The following NAP1L4 variants were observed in gnomAD, a reference collection of about 807,000 sequenced individuals.
NAP1L4 encodes nucleosome assembly protein 1 like 4, also known as nucleosome assembly protein 1-like 4.
NAP1L4 carries 15 observed loss-of-function variants against 58.2 expected under a neutral mutation model. The observed-to-expected ratio is 0.26, with a 90% CI of 0.17 to 0.40. The LOEUF (loss-of-function observed/expected upper bound fraction) is 0.40. NAP1L4 is among the 10% of genes least tolerant of loss of function. NAP1L4 has a pLI of 1.00. For missense variants in NAP1L4, 384 were observed against 451.1 expected (o/e 0.85, Z 1.35); for synonymous variants, 171 against 155.6 (o/e 1.10, Z -0.74).
At chr11:2,960,159 T>C (rs773992743) in intron 8 of NAP1L4, 30 of 408,690 alleles carry the variant, frequency 7.3e-5, no homozygotes, top group African/African-American at 1.2e-4. Flanking sequence ...TCCTCACCAA[T>C]AGGCGTCAAG....
chr11:2,953,628 G>T (rs1846358654), intron 12 of NAP1L4, among the ~76,000 whole-genome samples: 2 of 152,232 alleles, frequency 1.3e-5, no homozygotes, highest in African/African-American at 4.8e-5. Context: ...TTGAGTTTTA[G>T]AAGTTAAATG....
intron 10 of NAP1L4, 133 bp downstream of exon 10, chr11:2,958,266 A>C: frequency 1.1e-6 from 1 of 897,390 alleles, no homozygotes; most frequent in Non-Finnish European, 1.8e-6. Flanking sequence ...AGCCTGGGAC[A>C]CAGCAATGTG....
At chr11:2,958,583 T>C (rs1285346784) in intron 9 of NAP1L4, 39 bp from the exon 10 acceptor site, 2 of 1,591,682 alleles carry the variant, frequency 1.3e-6, no homozygotes, top group Non-Finnish European at 1.7e-6. Flanking sequence ...ACACAATCCA[T>C]GAGAAAAATC....
At chr11:2,957,229 C>T (rs1224706910) in intron 10 of NAP1L4, among the ~76,000 whole-genome samples, 1 of 152,192 alleles carries the variant, frequency 6.6e-6, no homozygotes, top group African/African-American at 2.4e-5. Context: ...CACAGACAAT[C>T]TCCAGTATGC....
chr11:2,977,909 T>C (rs909382748), intron 3 of NAP1L4, among the ~76,000 whole-genome samples: 1 of 149,454 alleles, frequency 6.7e-6, no homozygotes, highest in Admixed American at 6.7e-5. Flanking sequence ...GGTCTGTGCC[T>C]GTAGCCCCAA....
At chr11:2,952,118 G>C in intron 12 of NAP1L4, 1 of 441,692 alleles carries the variant, frequency 2.3e-6, no homozygotes, top group Middle Eastern at 5.8e-4. Flanking sequence ...ACACCGAGGA[G>C]CAGGCACACA....
intron 8 of NAP1L4, chr11:2,963,843 G>C (rs10488672): frequency 1.3e-5 from 7 of 519,128 alleles, no homozygotes; most frequent in African/African-American, 1.3e-4. Flanking sequence ...CTATTGCACC[G>C]GAATGGAACC....
intron 9 of NAP1L4, chr11:2,958,758 C>T: frequency 1.8e-6 from 1 of 560,844 alleles, no homozygotes; most frequent in Non-Finnish European, 3.1e-6. Context: ...ACCACTGGAA[C>T]TTCAGACTTC....
chr11:2,949,247 A>AAATTACAGACAAAATT lies in NAP1L4; in HGVS notation c.*11_*12insAATTTTGTCTGTAATT, dbSNP rs756522787. The AAATTACAGACAAAATT allele has an allele frequency of 2.5e-6, 4 of 1,600,896 alleles. No homozygotes were observed. Among genetic ancestry groups the AAATTACAGACAAAATT allele is most frequent in the Non-Finnish European group, 3.4e-6 (4 of 1,167,952 alleles). Reference sequence around the variant, plus strand: ...CTTACCTAGAAACGTATGAATGATTAACAGACAAAAATTACACCTAAATGG... The same window carrying AAATTACAGACAAAATT: ...CTTACCTAGAAACGTATGAATGATTAAATTACAGACAAAATTACAGACAAAAATTACACCTAAATGG... On this transcript the variant is annotated 3_prime_UTR_variant, in exon 15 of 16. Transcript: ENST00000380542. The surrounding 1 kb of genome is among the most constrained non-coding windows in gnomAD (Gnocchi z 4.0).
chr11:2,980,161 TAGA>T (rs1307247215), intron 1 of NAP1L4, among the ~76,000 whole-genome samples: 1 of 152,226 alleles, frequency 6.6e-6, no homozygotes. Flanking sequence ...ACTTCTTAAA[TAGA>T]AGAACTTGAT....
chr11:2,978,639 A>C (rs1166533514), intron 2 of NAP1L4, among the ~76,000 whole-genome samples: 1 of 152,180 alleles, frequency 6.6e-6, no homozygotes, highest in African/African-American at 2.4e-5. Flanking sequence ...TCCTCAAAAA[A>C]TCTGCTCCCA....
chr11:2,962,272 G>A (rs1846971829), intron 8 of NAP1L4, among the ~76,000 whole-genome samples: 1 of 152,236 alleles, frequency 6.6e-6, no homozygotes, highest in African/African-American at 2.4e-5. Context: ...GGGGCATGTA[G>A]GGGAATGTTA....
intron 8 of NAP1L4, 93 bp downstream of exon 8, chr11:2,964,587 G>A (rs1385664256): frequency 9.5e-7 from 1 of 1,047,318 alleles, no homozygotes; most frequent in African/African-American, 1.6e-5. Flanking sequence ...CTGGGTGTGG[G>A]TTTTGTGGGT....
intron 1 of NAP1L4, chr11:2,989,135 A>C (rs1848811029): frequency 6.6e-6 from 1 of 152,214 alleles, no homozygotes; most frequent in Non-Finnish European, 1.5e-5. Context: ...TTACCTCAGG[A>C]GGTCCCACAA....
At position 2,987,670 on chromosome 11, in the gene NAP1L4, T is replaced by C. The variant is rs894164054; in HGVS notation, c.-18+4584A>G. The stretch of plus-strand genomic sequence containing the variant: ...TACTTGGGAGGCTGAGACAGGAGAA[T>C]TGCTTGAACCTGGGAGGCAGAGGCT... On this transcript the variant is annotated intron_variant, in intron 1 of 15. Coordinates refer to ENST00000380542, the MANE Select transcript of NAP1L4 (RefSeq NM_005969.4). Among the ~76,000 whole-genome samples the C allele has an allele frequency of 2.0e-5, 3 of 147,744 alleles. No homozygotes were observed. The East Asian group carries it at 6.1e-4, about 30-fold the overall frequency.
In NAP1L4 at chr11:2,945,554, G is replaced by T; in HGVS notation, c.*125C>A. On this transcript the variant is annotated 3_prime_UTR_variant, in exon 16 of 16. Transcript: ENST00000380542. ...GTGCTGCGGCAAGGACCGAGGCCCC[G>T]CCCACAGGCCTGGAGTCCCGACAGC... 4.7e-6 allele frequency: 7 copies of T among 1,496,492 alleles called. No homozygotes were observed. Among genetic ancestry groups the T allele is most frequent in the Non-Finnish European group, 6.3e-6 (7 of 1,112,470 alleles). 92.7% of individuals were successfully genotyped at this position (1,496,492 alleles called of 1,614,324 possible).
rs1848370900 is a variant in NAP1L4, at chr11:2,982,344, C to T, written c.-17-3107G>A. 2.0e-5 allele frequency among the ~76,000 whole-genome samples: 3 copies of T among 152,290 alleles called. No homozygotes were observed. The South Asian group carries it at 6.2e-4, about 32-fold the overall frequency. Reference sequence around the variant, plus strand: ...ATGTATCTCATAGCACCTTCCTTACCCCACACATACACACTAATTGCTGAA... The same window carrying T: ...ATGTATCTCATAGCACCTTCCTTACTCCACACATACACACTAATTGCTGAA... On this transcript the variant is annotated intron_variant, in intron 1 of 15. Coordinates refer to ENST00000380542, the MANE Select transcript of NAP1L4 (RefSeq NM_005969.4).
chr11:2,963,780 C>T (rs747510672), intron 8 of NAP1L4: 1 of 519,300 alleles, frequency 1.9e-6, no homozygotes, highest in Non-Finnish European at 3.8e-6. Flanking sequence ...CATTTGTCTC[C>T]AAGACCTGAA....
Position 2,959,874 on chromosome 11 carries a change from G to T in NAP1L4, c.642C>A (p.Asp214Glu), listed in dbSNP as rs770662808. The T allele has an allele frequency of 1.9e-6, 3 of 1,614,194 alleles. No homozygotes were observed. The highest frequency in any genetic ancestry group is 2.2e-5 in the East Asian group (1 of 44,884). Residue 214 changes from aspartate (D) to glutamate (E), a missense_variant, in exon 9 of 16, where the codon GAC becomes GAA. This residue lies in a region of NAP1L4 where 296 missense variants were observed against 360.8 expected (regional missense o/e 0.82). Transcript: ENST00000380542. This position sits in a 1 kb window ranked among gnomAD's most constrained non-coding sequence, Gnocchi z 4.9. ...FVLEFHFEPN[D>E]YFTNSVLTKT... ...TTGTCAGGACTGAGTTGGTAAAGTA[G>T]TCGTTGGGTTCAAAGTGGAACTCTA...
Sources: allele counts gnomAD v4.1 joint callset (sites outside exome capture counted in the v4.1 genomes callset), GRCh38; gene constraint gnomAD v4.1.1; regional missense constraint gnomAD v4.1.1; non-coding constraint Gnocchi (gnomAD v3.1); transcripts MANE v1.5; gene names NCBI Gene and HGNC (gene_info 2026-07-23, HGNC 2026-07-21).